Variants in BRS3 observed in about 807,000 individuals in gnomAD.
BRS3 encodes bombesin receptor subtype-3.
A neutral mutation model predicts 18.8 loss-of-function variants in BRS3; 5 were observed. The ratio of observed to expected loss-of-function variants is 0.27; its 90% confidence interval spans 0.14 to 0.56. The LOEUF is 0.56. Ranked by LOEUF, BRS3 falls within the 20% of genes least tolerant of loss-of-function variation. BRS3 has a pLI of 0.93. For synonymous variants in BRS3, 121 were observed against 115.0 expected (o/e 1.05, Z -0.33); for missense variants, 215 against 296.3 (o/e 0.73, Z 2.01).
In BRS3 at chrX:136,493,461, T is replaced by C. The variant is rs761319160; in HGVS notation, c.*1086T>C. ...CTCTTGTCAATAGACGTGTCAGATTTAGACCTGTGGTTTCAGAAAAATTTT... is the reference window on the plus strand; with the variant it reads ...CTCTTGTCAATAGACGTGTCAGATTCAGACCTGTGGTTTCAGAAAAATTTT... On this transcript the variant is annotated 3_prime_UTR_variant, in exon 3 of 3. Coordinates refer to ENST00000370648, the MANE Select transcript of BRS3 (RefSeq NM_001727.2). 1 of 112,069 alleles carries C rather than the reference T, an allele frequency of 8.9e-6. No homozygotes were observed. Among genetic ancestry groups the C allele is most frequent in the South Asian group, 3.7e-4 (1 of 2,699 alleles). 9.2% of individuals were successfully genotyped at this position (112,069 alleles called of 1,213,427 possible).
chrX:136,490,316 T>C lies in BRS3; in HGVS notation c.618T>C (p.Tyr206=). The change falls in exon 2 of 3, where the codon TAT becomes TAC. Residue 206 remains tyrosine, a synonymous_variant. Coordinates refer to ENST00000370648, the MANE Select transcript of BRS3 (RefSeq NM_001727.2). ...TGACATTTGAATCATGTACCTCTTATCCTGTCTCTAAGAAGCTCTTGCAAG... is the reference window on the plus strand; with the variant it reads ...TGACATTTGAATCATGTACCTCTTACCCTGTCTCTAAGAAGCTCTTGCAAG... ...KNMTFESCTS[Y]PVSKKLLQEI... 1.7e-6 allele frequency: 2 copies of C among 1,210,476 alleles called. No individual in the cohort carries two copies. The highest frequency in any genetic ancestry group is 5.9e-5 in the East Asian group (2 of 33,865).
rs1360257547 is a variant in BRS3, at chrX:136,493,742, C to T, written c.*1367C>T. 3 of 111,882 alleles carry T rather than the reference C, an allele frequency of 2.7e-5. No individual in the cohort carries two copies. Among genetic ancestry groups the T allele is most frequent in the Admixed American group, 9.5e-5 (1 of 10,574 alleles). The allele number at this position is 111,882 out of a possible 1,213,427, so 9.2% of individuals were successfully genotyped here. On this transcript the variant is annotated 3_prime_UTR_variant, in exon 3 of 3. Coordinates refer to ENST00000370648, the MANE Select transcript of BRS3 (RefSeq NM_001727.2). ...TTGTTTTAAAGTGGACACTGTAACA[C>T]GTGTGGAAAAACAAATAAATATGAA...
rs113755690 is a variant in BRS3 at position 136,492,168 on chromosome X, C to T, written c.993C>T (p.Tyr331=). 4.1e-6 allele frequency: 5 copies of T among 1,211,375 alleles called. No homozygotes were observed. The highest frequency in any genetic ancestry group is 3.5e-5 in the African/African-American group (2 of 57,640). ...SNSCVNPFAL[Y]WLSKSFQKHF... ...CTTGCGTAAACCCCTTTGCTCTCTA[C>T]TGGCTGAGCAAAAGCTTCCAGAAGC... The change falls in exon 3 of 3, where the codon TAC becomes TAT. Residue 331 remains tyrosine, a synonymous_variant. Transcript: ENST00000370648.
rs146164598 is a variant in BRS3 at position 136,492,332 on chromosome X, C to T, written c.1157C>T (p.Ser386Leu). The change falls in exon 3 of 3, where the codon TCG becomes TTG. Residue 386 changes from serine to leucine, a missense_variant. Physicochemically the swap from Ser to Leu is moderately radical, Grantham distance 145 (BLOSUM62 -2). Transcript: ENST00000370648. ...SIQMSEISVT[S>L]FTGCSVKQAE... is the part of the protein sequence containing the mutation. ...CAGATGTCTGAAATTAGTGTGACCT[C>T]GTTCACTGGGTGTAGTGTGAAGCAG... The T allele has an allele frequency of 3.0e-5, 36 of 1,208,802 alleles. No homozygotes were observed. The African/African-American group carries it at 3.7e-4, about 12-fold the overall frequency.
chrX:136,488,866 G>GA (rs1029168186), intron 1 of BRS3, among the ~76,000 whole-genome samples: 1 of 111,644 alleles, frequency 9.0e-6, no homozygotes. Flanking sequence ...AGGTGTAAAG[G>GA]AAAAAAATTC....
At chrX:136,491,438 T>A (rs1037187711) in intron 2 of BRS3, among the ~76,000 whole-genome samples, 11 of 112,445 alleles carry the variant, frequency 9.8e-5, no homozygotes, top group African/African-American at 3.6e-4. Flanking sequence ...CATTTTGGAT[T>A]TACTTCTTTG....
At chrX:136,491,507 T>C (rs2075668668) in intron 2 of BRS3, among the ~76,000 whole-genome samples, 1 of 112,736 alleles carries the variant, frequency 8.9e-6, no homozygotes, top group Non-Finnish European at 1.9e-5. Context: ...CTTGGCAACT[T>C]TCATAGACCT....
intron 1 of BRS3, 80 bp downstream of exon 1, chrX:136,488,628 T>A (rs746250708): frequency 3.1e-6 from 3 of 963,093 alleles, no homozygotes; most frequent in Non-Finnish European, 2.8e-6. Context: ...TAGCATTTAC[T>A]GGCTACTATT....
chrX:136,491,913 G>GTGTTTTTTTTTTT lies in BRS3; in HGVS notation c.787-48_787-47insGTTTTTTTTTTTT, dbSNP rs773324636. 2.3e-5 allele frequency: 10 copies of GTGTTTTTTTTTTT among 436,963 alleles called. No homozygotes were observed. The East Asian group carries it at 3.9e-4, about 17-fold the overall frequency. 36.0% of individuals were successfully genotyped at this position (436,963 alleles called of 1,213,427 possible). On this transcript the variant is annotated intron_variant, in intron 2 of 2. Transcript: ENST00000370648. ...TTTTTTTGTTGTTGTTGTTTTTTGT[G>GTGTTTTTTTTTTT]TTTTTTTTTTTTTTTTTTTTTTTTT...
In BRS3 at chrX:136,489,398, T is replaced by C. The variant is rs767612698; in HGVS notation, c.435-735T>C. ...TACCAGAAGGAATAACTTCTTCAGA[T>C]TCTAGAATCTGAGAGGAGGAAAACC... On this transcript the variant is annotated intron_variant, in intron 1 of 2. Transcript: ENST00000370648. Among the ~76,000 whole-genome samples the C allele has an allele frequency of 1.8e-5, 2 of 112,195 alleles. 1 individual carries two copies. The highest frequency in any genetic ancestry group is 7.5e-4 in the South Asian group (2 of 2,684).
At chrX:136,490,861 T>C (rs187054511) in intron 2 of BRS3, among the ~76,000 whole-genome samples, 272 of 112,528 alleles carry the variant, frequency 2.4e-3, no homozygotes, top group African/African-American at 8.1e-3. Flanking sequence ...TGGGGAACAC[T>C]GCATAAGATG....
In BRS3 at chrX:136,488,336, G is replaced by C; in HGVS notation, c.222G>C (p.Lys74Asn). The C allele has an allele frequency of 3.3e-6, 4 of 1,211,935 alleles. No homozygotes were observed. Among genetic ancestry groups the C allele is most frequent in the Non-Finnish European group, 4.5e-6 (4 of 895,558 alleles). The change falls in exon 1 of 3, where the codon AAG (lysine) becomes AAC (asparagine). Residue 74 changes from lysine (K) to asparagine (N), a missense_variant. Coordinates refer to ENST00000370648, the MANE Select transcript of BRS3 (RefSeq NM_001727.2). ...GNAILIKVFFKTKSMQTVPNI... is the reference protein window; with the variant it reads ...GNAILIKVFFNTKSMQTVPNI... ...CTATTCTCATCAAAGTCTTTTTCAAGACCAAATCCATGCAAACAGTTCCAA... is the reference window on the plus strand; with the variant it reads ...CTATTCTCATCAAAGTCTTTTTCAACACCAAATCCATGCAAACAGTTCCAA...
At chrX:136,491,845 T>G in intron 2 of BRS3, 117 bp from the exon 3 acceptor site, 1 of 803,504 alleles carries the variant, frequency 1.2e-6, no homozygotes, top group Non-Finnish European at 1.7e-6. Flanking sequence ...TATGTAAATT[T>G]ATAGGATAAC....
At position 136,488,020 on chromosome X, in the gene BRS3, A is replaced by G. The variant is rs1268144275; in HGVS notation, c.-95A>G. 5 of 841,837 alleles carry G rather than the reference A, an allele frequency of 5.9e-6. No homozygotes were observed. In the African/African-American group the frequency reaches 1.0e-4, roughly 17 times the overall value. 69.4% of individuals were successfully genotyped at this position (841,837 alleles called of 1,213,427 possible). A position where few individuals can be genotyped will look rare whatever the true frequency, so the allele number is the denominator to read the frequency against. ...CATTCTGTTCTGTTCTGTTCTCCTAATACCATCTCGTTACTAGACGTAGGC... is the reference window on the plus strand; with the variant it reads ...CATTCTGTTCTGTTCTGTTCTCCTAGTACCATCTCGTTACTAGACGTAGGC... On this transcript the variant is annotated 5_prime_UTR_variant, in exon 1 of 3. It removes the in-frame stop codon of an upstream open reading frame in the 5' UTR. Transcript: ENST00000370648.
rs1474020274 is a variant in BRS3 at position 136,490,143 on chromosome X, G to A, written c.445G>A (p.Val149Ile). Residue 149 changes from valine (V) to isoleucine (I), a missense_variant, in exon 2 of 3, where the codon GTT (valine) becomes ATT (isoleucine). Coordinates refer to ENST00000370648, the MANE Select transcript of BRS3 (RefSeq NM_001727.2). ...TILSADRYKA[V>I]VKPLERQPSN... ...ATTATGTGTTTCTAGATACAAGGCAGTTGTGAAGCCACTTGAGCGACAGCC... is the reference window on the plus strand; with the variant it reads ...ATTATGTGTTTCTAGATACAAGGCAATTGTGAAGCCACTTGAGCGACAGCC... 1.7e-6 allele frequency: 2 copies of A among 1,193,918 alleles called. No individual in the cohort carries two copies. The highest frequency in any genetic ancestry group is 2.3e-5 in the Admixed American group (1 of 44,367).
intron 1 of BRS3, 122 bp downstream of exon 1, chrX:136,488,670 G>C (rs903426572): frequency 7.1e-6 from 5 of 707,491 alleles, no homozygotes; most frequent in Non-Finnish European, 1.0e-5. Flanking sequence ...ACGTGGATGT[G>C]AGATTGGAAA....
In BRS3 at chrX:136,492,670, A is replaced by T; in HGVS notation, c.*295A>T. On this transcript the variant is annotated 3_prime_UTR_variant, in exon 3 of 3. Coordinates refer to ENST00000370648, the MANE Select transcript of BRS3 (RefSeq NM_001727.2). ...GAAGGAAGGTGTAATAAACAAGATG[A>T]AACTTAAAAATCTCATTTGTTGTTT... 1 of 233,269 alleles carries T rather than the reference A, an allele frequency of 4.3e-6. No homozygotes were observed. The highest frequency in any genetic ancestry group is 7.7e-6 in the Non-Finnish European group (1 of 129,914). The allele number at this position is 233,269 out of a possible 1,213,427, so 19.2% of individuals were successfully genotyped here.
At position 136,488,178 on chromosome X, in the gene BRS3, T is replaced by C. The variant is rs746074637; in HGVS notation, c.64T>C (p.Ser22Pro). ...TLISITNDTESSSSVVSNDNT... is the reference protein window; with the variant it reads ...TLISITNDTEPSSSVVSNDNT... ...AATTTCAATCACAAATGACACAGAATCATCAAGCTCTGTGGTTTCTAACGA... is the reference window on the plus strand; with the variant it reads ...AATTTCAATCACAAATGACACAGAACCATCAAGCTCTGTGGTTTCTAACGA... The change falls in exon 1 of 3, where the codon TCA becomes CCA. Residue 22 changes from serine to proline, a missense_variant. Physicochemically the swap from Ser to Pro is moderately conservative, Grantham distance 74. Coordinates refer to ENST00000370648, the MANE Select transcript of BRS3 (RefSeq NM_001727.2). 8.3e-7 allele frequency: 1 copy of C among 1,210,909 alleles called. No individual in the cohort carries two copies. Among genetic ancestry groups the C allele is most frequent in the Admixed American group, 2.2e-5 (1 of 45,966 alleles).
In BRS3 at chrX:136,491,942, T is replaced by TTTTTA; in HGVS notation, c.787-20_787-19insTTTTA. On this transcript the variant is annotated intron_variant, in intron 2 of 2. Coordinates refer to ENST00000370648, the MANE Select transcript of BRS3 (RefSeq NM_001727.2). ...TTTTTTTTTTTTTTTTTTTTTTTGC[T>TTTTTA]ATGTTTCTTCCCCCTATAGATTGAA... 1.9e-6 allele frequency: 1 copy of TTTTTA among 535,107 alleles called. No individual in the cohort carries two copies. Among genetic ancestry groups the TTTTTA allele is most frequent in the Non-Finnish European group, 2.6e-6 (1 of 384,142 alleles). 44.1% of individuals were successfully genotyped at this position (535,107 alleles called of 1,213,427 possible).
Sources: allele counts gnomAD v4.1 joint callset (sites outside exome capture counted in the v4.1 genomes callset), GRCh38; gene constraint gnomAD v4.1.1; transcripts MANE v1.5; gene names NCBI Gene and HGNC (gene_info 2026-07-23, HGNC 2026-07-21).